BMPR1A: variants seen among roughly 807,000 people sequenced by gnomAD.
BMPR1A encodes the protein bone morphogenetic protein receptor type-1A.
In BMPR1A, 7 loss-of-function variants were observed where a neutral mutation model predicts 66.0. The ratio of observed to expected loss-of-function variants is 0.11; its 90% CI spans 0.06 to 0.20. The LOEUF (loss-of-function observed/expected upper bound fraction) is 0.20, where lower values mean the gene tolerates loss of function less well. BMPR1A is among the 10% of genes least tolerant of loss of function. The probability of loss-of-function intolerance (pLI) is 1.00; values close to 1 mark genes in which losing one functional copy is unlikely to be tolerated. For missense variants in BMPR1A, 408 were observed against 669.1 expected, an observed-to-expected ratio of 0.61 and a Z score of 4.31; for synonymous variants, 200 against 229.7, an observed-to-expected ratio of 0.87 and a Z score of 1.17.
chr10:86,867,436 A>C (rs1234313543), intron 2 of BMPR1A, among the ~76,000 whole-genome samples: 1 of 152,186 alleles, frequency 6.6e-6, no homozygotes, highest in Non-Finnish European at 1.5e-5. Context: ...TAACTGATTC[A>C]CTTCGCCTGT....
At chr10:86,798,470 G>T (rs1398341941) in intron 1 of BMPR1A, among the ~76,000 whole-genome samples, 1 of 152,030 alleles carries the variant, frequency 6.6e-6, no homozygotes, top group African/African-American at 2.4e-5. Flanking sequence ...CCTGATGAGG[G>T]TTTTACTTTT....
At chr10:86,903,750 T>A (rs1321284972) in intron 7 of BMPR1A, among the ~76,000 whole-genome samples, 1 of 152,022 alleles carries the variant, frequency 6.6e-6, no homozygotes, top group African/African-American at 2.4e-5. Flanking sequence ...TAGCTGGGAC[T>A]ACAGGCACCT....
At chr10:86,799,786 C>T (rs908876430) in intron 1 of BMPR1A, among the ~76,000 whole-genome samples, 31 of 152,138 alleles carry the variant, frequency 2.0e-4, no homozygotes, top group Admixed American at 6.6e-4. Flanking sequence ...GATCCACCCA[C>T]TTCGACCTCC....
intron 1 of BMPR1A, among the ~76,000 whole-genome samples, chr10:86,826,441 C>CACACACACACA (rs1564696505): frequency 2.0e-5 from 3 of 151,338 alleles, no homozygotes; most frequent in East Asian, 1.9e-4. Flanking sequence ...CACACACACA[C>CACACACACACA]CCGCTTTTGG....
At chr10:86,837,027 C>A (rs1386347064) in intron 1 of BMPR1A, among the ~76,000 whole-genome samples, 1 of 152,114 alleles carries the variant, frequency 6.6e-6, no homozygotes, top group East Asian at 1.9e-4. Flanking sequence ...GGGTTTTGGA[C>A]TTTTGAAGAT....
intron 7 of BMPR1A, among the ~76,000 whole-genome samples, chr10:86,910,699 T>C (rs1688500811): frequency 6.6e-6 from 1 of 152,234 alleles, no homozygotes; most frequent in South Asian, 2.1e-4. Flanking sequence ...AATAAAATTA[T>C]AATGGTTAAG....
chr10:86,915,192 A>G lies in BMPR1A; in HGVS notation c.676-1942A>G, dbSNP rs577227649. ...AGGCATGCACCACCATGCCCAGCTA[A>G]TTTTTGTATTTTTTTTTAAGTAGAG... On this transcript the variant is annotated intron_variant, in intron 8 of 12. Transcript: ENST00000372037. 8.5e-5 allele frequency among the ~76,000 whole-genome samples: 13 copies of G among 152,144 alleles called. No homozygotes were observed. In the South Asian group the frequency reaches 2.7e-3, roughly 32 times the overall value.
chr10:86,847,688 A>G (rs1842506999), intron 2 of BMPR1A, among the ~76,000 whole-genome samples: 1 of 151,972 alleles, frequency 6.6e-6, no homozygotes. Flanking sequence ...ACACGTGTGT[A>G]TGTGTGTGTA....
intron 1 of BMPR1A, among the ~76,000 whole-genome samples, chr10:86,759,438 C>A (rs1038951466): frequency 6.6e-6 from 1 of 151,848 alleles, no homozygotes; most frequent in Non-Finnish European, 1.5e-5. Context: ...CTTTTTTATT[C>A]AGTTGCTTTC....
rs972228197 is a variant in BMPR1A, at chr10:86,790,909, C to T, written c.-268+33990C>T. ...AAAGAATGGAATAAAGCCTCAGGGG[C>T]CCCCAAAGTGGTGATTCCAAATATT... is the stretch of plus-strand genomic sequence containing the variant. On this transcript the variant is annotated intron_variant, in intron 1 of 12. Transcript: ENST00000372037. 2.0e-5 allele frequency among the ~76,000 whole-genome samples: 3 copies of T among 152,096 alleles called. No individual in the cohort carries two copies. The East Asian group carries it at 5.8e-4, about 29-fold the overall frequency.
At position 86,795,649 on chromosome 10, in the gene BMPR1A, T is replaced by TAGGG. The variant is rs1480930790; in HGVS notation, c.-268+38740_-268+38743dup. 2.0e-5 allele frequency among the ~76,000 whole-genome samples: 3 copies of TAGGG among 152,100 alleles called. No homozygotes were observed. In the East Asian group the frequency reaches 5.8e-4, roughly 29 times the overall value. On this transcript the variant is annotated intron_variant, in intron 1 of 12. Transcript: ENST00000372037. The stretch of plus-strand genomic sequence containing the variant: ...CTATGTCTTCAACCCTTCCCCATAG[T>TAGGG]AGGGAGGGAGGGAATTAGGCAGTTT...
At chr10:86,794,637 C>G (rs1841678260) in intron 1 of BMPR1A, among the ~76,000 whole-genome samples, 1 of 152,046 alleles carries the variant, frequency 6.6e-6, no homozygotes, top group Admixed American at 6.6e-5. Context: ...TGAGAACGTT[C>G]AGTACATTCT....
chr10:86,840,023 A>G (rs1842404264), intron 2 of BMPR1A, among the ~76,000 whole-genome samples: 3 of 152,204 alleles, frequency 2.0e-5, no homozygotes, highest in Admixed American at 2.0e-4. Flanking sequence ...TTAAAGAGGT[A>G]GGAGCTGCCA....
At chr10:86,772,441 T>A (rs1311257404) in intron 1 of BMPR1A, among the ~76,000 whole-genome samples, 2 of 152,246 alleles carry the variant, frequency 1.3e-5, no homozygotes, top group East Asian at 3.9e-4. Context: ...GAGATAGATC[T>A]TTTTTCACAG....
chr10:86,781,863 T>TC (rs1841442071), intron 1 of BMPR1A, among the ~76,000 whole-genome samples: 2 of 138,550 alleles, frequency 1.4e-5, no homozygotes, highest in South Asian at 5.1e-4. Flanking sequence ...ATTTCTTTTT[T>TC]TTTTTTTTTT....
intron 1 of BMPR1A, among the ~76,000 whole-genome samples, chr10:86,775,007 A>G (rs1841324009): frequency 1.3e-5 from 2 of 152,226 alleles, no homozygotes; most frequent in Non-Finnish European, 1.5e-5. Flanking sequence ...TACTAAGTTC[A>G]TTTTTAGTGT....
downstream of BMPR1A, chr10:86,929,364 G>A (rs1053281319): frequency 6.6e-6 from 1 of 152,212 alleles, no homozygotes; most frequent in African/African-American, 2.4e-5. Flanking sequence ...GCAATGGGAA[G>A]TGAAGCCTTG....
At chr10:86,897,294 G>T (rs921743282) in intron 5 of BMPR1A, among the ~76,000 whole-genome samples, 1 of 152,140 alleles carries the variant, frequency 6.6e-6, no homozygotes, top group African/African-American at 2.4e-5. Flanking sequence ...TGGGCAGAGG[G>T]TACGGGTGGA....
At chr10:86,866,565 C>A (rs1033870762) in intron 2 of BMPR1A, among the ~76,000 whole-genome samples, 1 of 151,574 alleles carries the variant, frequency 6.6e-6, no homozygotes, top group African/African-American at 2.4e-5. Flanking sequence ...CCTGCCACCA[C>A]GCCTGGCTAA....
Sources: gnomAD v4.1 joint callset for allele counts (sites outside exome capture counted in the v4.1 genomes callset) on GRCh38, gnomAD v4.1.1 for gene constraint, MANE v1.5 for transcripts, NCBI Gene and HGNC (gene_info 2026-07-23, HGNC 2026-07-21) for gene names.